The following PTPRU variants were observed in gnomAD, a reference collection of about 807,000 sequenced individuals.
PTPRU encodes receptor-type tyrosine-protein phosphatase U.
In PTPRU, 69 loss-of-function variants were observed where a neutral mutation model predicts 166.3. That is an observed-to-expected ratio of 0.41 (90% CI 0.34 to 0.51). The LOEUF (loss-of-function observed/expected upper bound fraction) is 0.51. Ranked by LOEUF, PTPRU falls within the 20% of genes least tolerant of loss-of-function variation. The pLI is 0.09. For synonymous variants in PTPRU, 793 were observed against 814.0 expected, an observed-to-expected ratio of 0.97 and a Z score of 0.44; for missense variants, 1,657 against 2,013.7, an observed-to-expected ratio of 0.82 and a Z score of 3.39.
chr1:29,313,528 C>T (rs2151967604), intron 22 of PTPRU, among the ~76,000 whole-genome samples: 1 of 152,248 alleles, frequency 6.6e-6, no homozygotes, highest in Admixed American at 6.5e-5. Flanking sequence ...AAACTGAGCA[C>T]ACTTGTGAAA....
intron 1 of PTPRU, among the ~76,000 whole-genome samples, chr1:29,251,991 C>T (rs1233284352): frequency 6.6e-6 from 1 of 152,184 alleles, no homozygotes; most frequent in South Asian, 2.1e-4. Flanking sequence ...GGGTCTTTTT[C>T]TACAGGGGAA....
chr1:29,312,469 C>CTGAGA, intron 21 of PTPRU, 83 bp from the exon 22 acceptor site: 1 of 1,301,892 alleles, frequency 7.7e-7, no homozygotes, highest in Non-Finnish European at 1.1e-6. Flanking sequence ...GAGATGCTTA[C>CTGAGA]TGCAGTGCCT....
Position 29,320,741 on chromosome 1 carries a change from G to A in PTPRU, c.3744G>A (p.Thr1248=), listed in dbSNP as rs138823810. The change falls in exon 26 of 30, where the codon ACG becomes ACA. Residue 1248 remains threonine (T), a synonymous_variant. Coordinates refer to ENST00000373779, the MANE Select transcript of PTPRU (RefSeq NM_133178.4). This position sits in a 1 kb window ranked among gnomAD's most constrained non-coding sequence, Gnocchi z 5.2. ...IVTLHPLQST[T]PDFWRLVYDY... is the part of the protein sequence containing the mutation. Reference sequence around the variant, plus strand: ...CCCTGCACCCGCTGCAGAGCACCACGCCCGACTTCTGGCGGCTGGTCTACG... The same window carrying A: ...CCCTGCACCCGCTGCAGAGCACCACACCCGACTTCTGGCGGCTGGTCTACG... 1.6e-4 allele frequency: 264 copies of A among 1,608,956 alleles called. No individual in the cohort carries two copies. The African/African-American group carries it at 2.9e-3, about 18-fold the overall frequency.
chr1:29,243,309 G>A (rs1392283748), intron 1 of PTPRU, among the ~76,000 whole-genome samples: 1 of 152,174 alleles, frequency 6.6e-6, no homozygotes, highest in African/African-American at 2.4e-5. Context: ...CAGAACTCAG[G>A]GGACAAAACC....
chr1:29,246,910 C>T (rs1174311764), intron 1 of PTPRU, among the ~76,000 whole-genome samples: 1 of 152,224 alleles, frequency 6.6e-6, no homozygotes, highest in Non-Finnish European at 1.5e-5. Flanking sequence ...GCTACTGCGC[C>T]CAGCTCCACA....
Position 29,237,112 on chromosome 1 carries a change from G to A in PTPRU, c.73+395G>A, listed in dbSNP as rs1376791679. ...TGTTGCATTTGTTTGCATTTTGTAT[G>A]CCTGGCCGGGAGTGCTGTTTGTTTT... On this transcript the variant is annotated intron_variant, in intron 1 of 29. Coordinates refer to ENST00000373779, the MANE Select transcript of PTPRU (RefSeq NM_133178.4). The surrounding 1 kb of genome is among the most constrained non-coding windows in gnomAD (Gnocchi z 6.4). Among the ~76,000 whole-genome samples, 1 of 152,108 alleles carries A rather than the reference G, an allele frequency of 6.6e-6. No individual in the cohort carries two copies. Among genetic ancestry groups the A allele is most frequent in the Non-Finnish European group, 1.5e-5 (1 of 68,028 alleles).
chr1:29,304,885 T>G, intron 17 of PTPRU, 36 bp downstream of exon 17: 1 of 1,540,672 alleles, frequency 6.5e-7, no homozygotes, highest in Non-Finnish European at 8.9e-7. Flanking sequence ...TCCAGGGCAG[T>G]GGGTGGGAGG....
At chr1:29,275,279 C>T (rs1237748445) in intron 7 of PTPRU, among the ~76,000 whole-genome samples, 169 bp from the exon 8 acceptor site, 1 of 152,154 alleles carries the variant, frequency 6.6e-6, no homozygotes, top group East Asian at 1.9e-4. Flanking sequence ...CGCCTGACTC[C>T]AAAGCACATA....
Position 29,258,660 on chromosome 1 carries a change from G to A in PTPRU, c.361G>A (p.Val121Met), listed in dbSNP as rs774555578. 6 of 1,614,112 alleles carry A rather than the reference G, an allele frequency of 3.7e-6. No individual in the cohort carries two copies. The highest frequency in any genetic ancestry group is 5.1e-6 in the Non-Finnish European group (6 of 1,180,040). ...GHSPGTLGVYVRVNGGPLGSA... is the reference protein window; with the variant it reads ...GHSPGTLGVYMRVNGGPLGSA... ...CAGCCCGGGCACCCTGGGCGTCTAC[G>A]TGCGCGTTAATGGGGGCCCCCTGGG... Residue 121 changes from valine (V) to methionine (M), a missense_variant, in exon 3 of 30, where the codon GTG (valine) becomes ATG (methionine). Physicochemically the swap from Val to Met is conservative, Grantham distance 21 (BLOSUM62 1). This residue lies in a region of PTPRU where 453 missense variants were observed against 496.9 expected (regional missense o/e 0.91). Coordinates refer to ENST00000373779, the MANE Select transcript of PTPRU (RefSeq NM_133178.4).
intron 7 of PTPRU, among the ~76,000 whole-genome samples, chr1:29,266,805 C>T (rs1162399950): frequency 6.6e-6 from 1 of 151,986 alleles, no homozygotes; most frequent in East Asian, 1.9e-4. Flanking sequence ...CACATTTTGG[C>T]AAGAGGAGAT....
chr1:29,285,428 C>T (rs1301717754), intron 14 of PTPRU, among the ~76,000 whole-genome samples: 1 of 152,210 alleles, frequency 6.6e-6, no homozygotes, highest in African/African-American at 2.4e-5. Context: ...ACCCCTCCCC[C>T]TGCCGCCCCT....
chr1:29,301,288 G>A (rs6656264), intron 15 of PTPRU, among the ~76,000 whole-genome samples: 37,765 of 151,972 alleles, frequency 0.25, 5,904 homozygotes, highest in East Asian at 0.63. Context: ...TAATGGAGTT[G>A]AAAAACTCCT....
In PTPRU at chr1:29,325,969, GGC is replaced by G; in HGVS notation, c.*309_*310del. On this transcript the variant is annotated 3_prime_UTR_variant, in exon 30 of 30. Transcript: ENST00000373779. ...AGAGTGACAAAGGCTCAGGACGGCTGGCTCTGGGGGACTCAGGCCAAGCCCCT... is the reference window on the plus strand; with the variant it reads ...AGAGTGACAAAGGCTCAGGACGGCTGTCTGGGGGACTCAGGCCAAGCCCCT... 1 of 443,910 alleles carries G rather than the reference GGC, an allele frequency of 2.3e-6. No homozygotes were observed. The highest frequency in any genetic ancestry group is 3.9e-6 in the Non-Finnish European group (1 of 255,606). 27.5% of individuals were successfully genotyped at this position (443,910 alleles called of 1,614,324 possible). A position where few individuals can be genotyped will look rare whatever the true frequency, so the allele number is the denominator to read the frequency against.
At position 29,320,483 on chromosome 1, in the gene PTPRU, C is replaced by T. The variant is rs139031459; in HGVS notation, c.3688-202C>T. The T allele has an allele frequency of 1.9e-4, 91 of 473,062 alleles. No homozygotes were observed. The highest frequency in any genetic ancestry group is 1.4e-3 in the African/African-American group (71 of 50,490). The allele number at this position is 473,062 out of a possible 1,614,324, so 29.3% of individuals were successfully genotyped here. ...GTTCTGGGGGGTCATGGGCTTGGTC[C>T]CCAGAGGCCTGGGCCCACCCTGTCA... On this transcript the variant is annotated intron_variant, in intron 25 of 29. Transcript: ENST00000373779. The surrounding 1 kb of genome is among the most constrained non-coding windows in gnomAD (Gnocchi z 5.2).
At chr1:29,288,307 G>T (rs1486384360) in intron 14 of PTPRU, among the ~76,000 whole-genome samples, 1 of 152,204 alleles carries the variant, frequency 6.6e-6, no homozygotes, top group East Asian at 1.9e-4. Context: ...GTAGCCAGTG[G>T]AGAGCCTGGC....
At chr1:29,293,726 G>A (rs780931258) in intron 15 of PTPRU, among the ~76,000 whole-genome samples, 3 of 150,596 alleles carry the variant, frequency 2.0e-5, no homozygotes, top group African/African-American at 4.9e-5. Context: ...CACCTGCCTC[G>A]ACCTCCCAAA....
At chr1:29,285,160 C>T (rs758261890) in intron 14 of PTPRU, among the ~76,000 whole-genome samples, 6 of 152,120 alleles carry the variant, frequency 3.9e-5, no homozygotes, top group Non-Finnish European at 8.8e-5. Flanking sequence ...GCTATGCCTG[C>T]TGGGACTGTT....
At position 29,237,650 on chromosome 1, in the gene PTPRU, A is replaced by C. The variant is rs966572874; in HGVS notation, c.73+933A>C. Among the ~76,000 whole-genome samples the C allele has an allele frequency of 9.3e-5, 14 of 150,980 alleles. No individual in the cohort carries two copies. The highest frequency in any genetic ancestry group is 3.2e-4 in the African/African-American group (13 of 41,262). On this transcript the variant is annotated intron_variant, in intron 1 of 29. Transcript: ENST00000373779. The surrounding 1 kb of genome is among the most constrained non-coding windows in gnomAD (Gnocchi z 6.4). ...GGCTGCCCGGGTCGGGCAGGGCCCG[A>C]GGCTCAGGGGAGGACCGGGCCCCGC...
intron 15 of PTPRU, among the ~76,000 whole-genome samples, chr1:29,292,291 A>AGGATCAGAG (rs1478447538): frequency 1.2e-4 from 18 of 152,208 alleles, no homozygotes; most frequent in Non-Finnish European, 2.4e-4. Context: ...GTGCTGCTGT[A>AGGATCAGAG]GGATCAGAGG....
Sources: gnomAD v4.1 joint callset for allele counts (sites outside exome capture counted in the v4.1 genomes callset) on GRCh38, gnomAD v4.1.1 for gene constraint, gnomAD v4.1.1 regional missense constraint, Gnocchi (gnomAD v3.1) non-coding constraint, MANE v1.5 for transcripts, NCBI Gene and HGNC (gene_info 2026-07-23, HGNC 2026-07-21) for gene names.